The following ADGRD1 variants were observed in gnomAD, a reference collection of about 807,000 sequenced individuals.
ADGRD1 encodes the protein adhesion G protein-coupled receptor D1, also known as G-protein coupled receptor 133.
In ADGRD1, 77 loss-of-function variants were observed where a neutral mutation model predicts 113.4. The ratio of observed to expected loss-of-function variants is 0.68; its 90% CI spans 0.57 to 0.82. The LOEUF is 0.82. Ranked by LOEUF, ADGRD1 falls within the 40% of genes least tolerant of loss-of-function variation. ADGRD1 has a pLI of 0.00. For missense variants in ADGRD1, 1,036 were observed against 1,139.1 expected (o/e 0.91, Z 1.30); for synonymous variants, 474 against 475.0 (o/e 1.00, Z 0.03).
intron 13 of ADGRD1, among the ~76,000 whole-genome samples, chr12:131,046,834 C>CCCTCCCTGGTCAGTGT (rs1312484037): frequency 1.6e-5 from 2 of 121,934 alleles, no homozygotes; most frequent in African/African-American, 3.3e-5. Flanking sequence ...GGTGAGTGCT[C>CCCTCCCTGGTCAGTGT]CCTCCCTGGT....
At chr12:131,109,381 G>T (rs773600539) in intron 18 of ADGRD1, among the ~76,000 whole-genome samples, 1 of 151,986 alleles carries the variant, frequency 6.6e-6, no homozygotes, top group African/African-American at 2.4e-5. Context: ...TTTAATATAG[G>T]CATGTATAGT....
At chr12:131,005,093 C>A (rs1212467510) in intron 11 of ADGRD1, among the ~76,000 whole-genome samples, 1 of 152,210 alleles carries the variant, frequency 6.6e-6, no homozygotes, top group Non-Finnish European at 1.5e-5. Flanking sequence ...TCTCTCTCTG[C>A]AGTGGGGAGC....
intron 13 of ADGRD1, among the ~76,000 whole-genome samples, chr12:131,044,567 G>A (rs1000948727): frequency 2.4e-4 from 37 of 152,090 alleles, no homozygotes; most frequent in African/African-American, 8.9e-4. Context: ...TCTCCATTAA[G>A]AACCTGAAAC....
chr12:131,120,657 T>C, intron 19 of ADGRD1, 190 bp from the exon 20 acceptor site: 1 of 658,968 alleles, frequency 1.5e-6, no homozygotes, highest in Admixed American at 2.3e-5. Context: ...ACCTGGAAAA[T>C]CCTTTCCAAG....
At chr12:131,007,470 C>T (rs942006503) in intron 12 of ADGRD1, among the ~76,000 whole-genome samples, 2 of 152,228 alleles carry the variant, frequency 1.3e-5, no homozygotes, top group African/African-American at 4.8e-5. Context: ...GCCGGCGGGG[C>T]CTGCTCTGGG....
chr12:131,135,919 C>A, intron 21 of ADGRD1, 118 bp from the exon 22 acceptor site: 1 of 1,073,244 alleles, frequency 9.3e-7, no homozygotes, highest in Non-Finnish European at 1.4e-6. Flanking sequence ...GACCCCAGGT[C>A]TTGCTCCCGG....
At chr12:131,077,313 G>A (rs1215792750) in intron 14 of ADGRD1, among the ~76,000 whole-genome samples, 2 of 152,172 alleles carry the variant, frequency 1.3e-5, no homozygotes, top group East Asian at 3.9e-4. Flanking sequence ...CTCCACTGGA[G>A]CAGGCTGACC....
intron 12 of ADGRD1, among the ~76,000 whole-genome samples, chr12:131,009,045 C>T (rs143563733): frequency 1.8e-3 from 272 of 152,298 alleles, no homozygotes; most frequent in African/African-American, 6.1e-3. Flanking sequence ...GGTTGCGGGG[C>T]GGGGGACCTC....
intron 9 of ADGRD1, among the ~76,000 whole-genome samples, chr12:131,002,177 C>T (rs1876467490): frequency 8.7e-6 from 1 of 115,264 alleles, no homozygotes; most frequent in African/African-American, 3.6e-5. Context: ...GTATTTTGTG[C>T]ATGATTTTAA....
At chr12:131,095,812 C>T (rs1338927961) in intron 15 of ADGRD1, among the ~76,000 whole-genome samples, 1 of 152,176 alleles carries the variant, frequency 6.6e-6, no homozygotes, top group African/African-American at 2.4e-5. Flanking sequence ...AAGCCGCCAG[C>T]CCCCGTGTTA....
intron 5 of ADGRD1, 112 bp downstream of exon 5, chr12:130,982,175 T>A: frequency 1.1e-6 from 1 of 890,884 alleles, no homozygotes; most frequent in Non-Finnish European, 1.7e-6. Context: ...TGCTGCTGCC[T>A]CCTGGCACCC....
At position 131,020,005 on chromosome 12, in the gene ADGRD1, G is replaced by A. The variant is rs1195909; in HGVS notation, c.1473+5665G>A. Among the ~76,000 whole-genome samples the A allele has an allele frequency of 5.8e-5, 6 of 102,928 alleles. 1 individual carries two copies. Among genetic ancestry groups the A allele is most frequent in the South Asian group, 4.0e-4 (1 of 2,522 alleles). 67.5% of individuals were successfully genotyped at this position (102,928 alleles called of 152,430 possible). On this transcript the variant is annotated intron_variant, in intron 13 of 24. Transcript: ENST00000261654. ...CTCGAGAGAGATATTCCAGGGGCAGGACCCTGAGCTCCATCCAGGGCAGGG... is the reference window on the plus strand; with the variant it reads ...CTCGAGAGAGATATTCCAGGGGCAGAACCCTGAGCTCCATCCAGGGCAGGG...
Position 131,139,405 on chromosome 12 carries a change from C to T in ADGRD1, c.*142C>T. ...GTGGCCCCGAGACAGCTGTCCTCCC[C>T]TGTGACTCTGGCTGTCGGAGCACAC... is the stretch of plus-strand genomic sequence containing the variant. On this transcript the variant is annotated 3_prime_UTR_variant, in exon 25 of 25. Coordinates refer to ENST00000261654, the MANE Select transcript of ADGRD1 (RefSeq NM_198827.5). 1 of 638,206 alleles carries T rather than the reference C, an allele frequency of 1.6e-6. No homozygotes were observed. Among genetic ancestry groups the T allele is most frequent in the Non-Finnish European group, 2.8e-6 (1 of 357,184 alleles). The allele number at this position is 638,206 out of a possible 1,614,324, so 39.5% of individuals were successfully genotyped here. A position where few individuals can be genotyped will look rare whatever the true frequency, so the allele number is the denominator to read the frequency against.
rs925679001 is a variant in ADGRD1, at chr12:130,954,269, CAA to C, written c.-196_-195del. On this transcript the variant is annotated 5_prime_UTR_variant, in exon 1 of 25. Coordinates refer to ENST00000261654, the MANE Select transcript of ADGRD1 (RefSeq NM_198827.5). The surrounding 1 kb of genome is among the most constrained non-coding windows in gnomAD (Gnocchi z 4.7). The stretch of plus-strand genomic sequence containing the variant: ...GTGTTTATTGATCACTGAAGAATCT[CAA>C]GTTTTGAGACGAGGAAGAAACACCC... The C allele has an allele frequency of 2.1e-5, 11 of 512,940 alleles. No homozygotes were observed. Among genetic ancestry groups the C allele is most frequent in the South Asian group, 3.5e-5 (1 of 28,590 alleles). 31.8% of individuals were successfully genotyped at this position (512,940 alleles called of 1,614,324 possible).
chr12:131,004,311 G>C lies in ADGRD1; in HGVS notation c.1255+15G>C. On this transcript the variant is annotated intron_variant, in intron 11 of 24. Coordinates refer to ENST00000261654, the MANE Select transcript of ADGRD1 (RefSeq NM_198827.5). ...CCACAGGCACGGTGAGTGTGGCTGC[G>C]CTGGACTCCCTTCCGGGGCGGCTCC... 6.4e-7 allele frequency: 1 copy of C among 1,557,810 alleles called. No individual in the cohort carries two copies. The highest frequency in any genetic ancestry group is 8.9e-7 in the Non-Finnish European group (1 of 1,129,618).
At position 131,138,095 on chromosome 12, in the gene ADGRD1, A is replaced by G. The variant is rs758117189; in HGVS notation, c.2437-42A>G. 1.1e-5 allele frequency: 16 copies of G among 1,523,672 alleles called. No individual in the cohort carries two copies. In the South Asian group the frequency reaches 1.8e-4, roughly 17 times the overall value. The allele number at this position is 1,523,672 out of a possible 1,614,324, so 94.4% of individuals were successfully genotyped here. ...AGACTCCTCTGGTTACGGCTGTTGCAGCCTCTGAAATTGCTCTCACGATCC... is the reference window on the plus strand; with the variant it reads ...AGACTCCTCTGGTTACGGCTGTTGCGGCCTCTGAAATTGCTCTCACGATCC... On this transcript the variant is annotated intron_variant, in intron 23 of 24. Transcript: ENST00000261654.
At position 131,041,012 on chromosome 12, in the gene ADGRD1, G is replaced by A. The variant is rs906093619; in HGVS notation, c.1473+26672G>A. Among the ~76,000 whole-genome samples the A allele has an allele frequency of 1.3e-5, 2 of 151,134 alleles. No individual in the cohort carries two copies. The highest frequency in any genetic ancestry group is 2.9e-5 in the Non-Finnish European group (2 of 68,026). On this transcript the variant is annotated intron_variant, in intron 13 of 24. Transcript: ENST00000261654. The surrounding 1 kb of genome is among the most constrained non-coding windows in gnomAD (Gnocchi z 4.4). ...AGTGGGGCTGAATGGTGGCCCCCCC[G>A]GAGTTTGCCATCATCCCCACCTGGA...
chr12:131,124,772 G>C (rs1015526568), intron 20 of ADGRD1, among the ~76,000 whole-genome samples: 1 of 151,976 alleles, frequency 6.6e-6, no homozygotes. Flanking sequence ...GCCCCTTCTC[G>C]AATTGTTCTT....
intron 20 of ADGRD1, among the ~76,000 whole-genome samples, chr12:131,123,538 C>G (rs1350844950): frequency 6.6e-6 from 1 of 151,442 alleles, no homozygotes; most frequent in Non-Finnish European, 1.5e-5. Context: ...ATTCCAGGTT[C>G]AGGCTGGGCG....
Sources: gnomAD v4.1 joint callset for allele counts (sites outside exome capture counted in the v4.1 genomes callset) on GRCh38, gnomAD v4.1.1 for gene constraint, Gnocchi (gnomAD v3.1) non-coding constraint, MANE v1.5 for transcripts, NCBI Gene and HGNC (gene_info 2026-07-23, HGNC 2026-07-21) for gene names.